CPLX1: variants seen among roughly 807,000 people sequenced by gnomAD.
The protein encoded by CPLX1 is complexin 1.
A neutral mutation model predicts 15.6 loss-of-function variants in CPLX1; 6 were observed. That is an observed-to-expected ratio of 0.39 (90% confidence interval 0.21 to 0.76). The LOEUF is 0.76. Ranked by LOEUF, CPLX1 falls within the 30% of genes least tolerant of loss-of-function variation. The probability of loss-of-function intolerance (pLI) is 0.43; values close to 1 mark genes in which losing one functional copy is unlikely to be tolerated. For synonymous variants in CPLX1, 91 were observed against 75.2 expected (o/e 1.21, Z -1.08); for missense variants, 242 against 188.6 (o/e 1.28, Z -1.66).
At chr4:824,739 C>T (rs1392413699) in intron 1 of CPLX1, 138 bp from the exon 2 acceptor site, 1 of 697,000 alleles carries the variant, frequency 1.4e-6, no homozygotes, top group South Asian at 1.5e-5. Flanking sequence ...GGAAGTCCTT[C>T]GTGAGGGGCT....
At chr4:793,706 C>T (rs1451471650) in intron 2 of CPLX1, among the ~76,000 whole-genome samples, 2 of 152,190 alleles carry the variant, frequency 1.3e-5, no homozygotes, top group South Asian at 4.1e-4. Context: ...ACACGTTGCC[C>T]CTGCAAATGC....
chr4:819,746 C>T (rs971804518), intron 2 of CPLX1, among the ~76,000 whole-genome samples: 6 of 152,214 alleles, frequency 3.9e-5, no homozygotes, highest in Non-Finnish European at 5.9e-5. Context: ...TAAATGGAAA[C>T]CCTCCATGAG....
chr4:795,133 C>G (rs1276261401), intron 2 of CPLX1, among the ~76,000 whole-genome samples: 4 of 152,382 alleles, frequency 2.6e-5, no homozygotes, highest in African/African-American at 4.8e-5. Context: ...CACGCCCCCC[C>G]GCTTTTCGGC....
At chr4:798,656 C>T (rs1233578740) in intron 2 of CPLX1, among the ~76,000 whole-genome samples, 1 of 152,236 alleles carries the variant, frequency 6.6e-6, no homozygotes, top group Admixed American at 6.5e-5. Context: ...CTCAGCCTCC[C>T]GAAGTGCTGG....
intron 2 of CPLX1, among the ~76,000 whole-genome samples, chr4:799,414 C>G (rs1449321278): frequency 6.6e-6 from 1 of 152,236 alleles, no homozygotes; most frequent in Non-Finnish European, 1.5e-5. Flanking sequence ...AGGCGAAGAA[C>G]TCATCCACGT....
chr4:814,910 C>A (rs972678731), intron 2 of CPLX1, among the ~76,000 whole-genome samples: 6 of 152,216 alleles, frequency 3.9e-5, no homozygotes, highest in African/African-American at 1.4e-4. Context: ...CAGGTCTAGC[C>A]CCATTCATTT....
intron 1 of CPLX1, 112 bp from the exon 2 acceptor site, chr4:824,713 C>T (rs1746941935): frequency 1.4e-6 from 1 of 713,906 alleles, no homozygotes. Flanking sequence ...CCTCCCCCAC[C>T]TGGAGCGGCT....
At chr4:796,719 C>G (rs376861870) in intron 2 of CPLX1, among the ~76,000 whole-genome samples, 5 of 152,160 alleles carry the variant, frequency 3.3e-5, no homozygotes, top group Non-Finnish European at 5.9e-5. Flanking sequence ...CAGGGTAACT[C>G]CACACGTAAA....
Position 787,887 on chromosome 4 carries a change from G to A in CPLX1, c.208-1189C>T, listed in dbSNP as rs888472016. The A allele has an allele frequency of 2.1e-5, 21 of 985,302 alleles. No homozygotes were observed. In the African/African-American group the frequency reaches 3.5e-4, roughly 16 times the overall value. 61.0% of individuals were successfully genotyped at this position (985,302 alleles called of 1,614,324 possible). A position where few individuals can be genotyped will look rare whatever the true frequency, so the allele number is the denominator to read the frequency against. ...GGAAGGTGGGAACCAGTGGGGTTGGGCTGGCCTGGAAGGATTGGGGGCCTG... is the reference window on the plus strand; with the variant it reads ...GGAAGGTGGGAACCAGTGGGGTTGGACTGGCCTGGAAGGATTGGGGGCCTG... On this transcript the variant is annotated intron_variant, in intron 3 of 3. Coordinates refer to ENST00000304062, the MANE Select transcript of CPLX1 (RefSeq NM_006651.4).
intron 1 of CPLX1, among the ~76,000 whole-genome samples, chr4:825,810 G>A (rs1746970815): frequency 6.7e-6 from 1 of 149,312 alleles, no homozygotes; most frequent in Admixed American, 6.6e-5. Flanking sequence ...GGGCCGGAGG[G>A]AGAGGCCGGA....
intron 2 of CPLX1, among the ~76,000 whole-genome samples, chr4:795,077 C>T (rs1202934931): frequency 6.6e-6 from 1 of 152,236 alleles, no homozygotes; most frequent in Non-Finnish European, 1.5e-5. Context: ...AGCCACTAGG[C>T]TCAGAGGGAC....
At chr4:822,159 T>G (rs1746878805) in intron 2 of CPLX1, among the ~76,000 whole-genome samples, 1 of 151,284 alleles carries the variant, frequency 6.6e-6, no homozygotes, top group Non-Finnish European at 1.5e-5. Context: ...TGTTTCTGAT[T>G]CTCCGTCTCT....
intron 2 of CPLX1, among the ~76,000 whole-genome samples, chr4:810,145 G>A (rs1250418920): frequency 6.6e-6 from 1 of 151,744 alleles, no homozygotes; most frequent in Non-Finnish European, 1.5e-5. Context: ...CGCCTCCTGG[G>A]CTCACACCAT....
intron 2 of CPLX1, among the ~76,000 whole-genome samples, chr4:811,404 G>A (rs868559513): frequency 1.1e-4 from 17 of 151,474 alleles, no homozygotes; most frequent in African/African-American, 3.6e-4. Context: ...CCTTAGCCTC[G>A]CAAAGTGTTG....
chr4:800,034 G>T (rs73207755), intron 2 of CPLX1, among the ~76,000 whole-genome samples: 5,755 of 152,182 alleles, frequency 0.038, 181 homozygotes, highest in South Asian at 0.096. Context: ...GATGGAGGGG[G>T]CAGCCTTGTG....
chr4:819,328 G>A (rs1746817776), intron 2 of CPLX1, among the ~76,000 whole-genome samples: 1 of 152,198 alleles, frequency 6.6e-6, no homozygotes, highest in South Asian at 2.1e-4. Flanking sequence ...ATCCTCTCTG[G>A]AGGAAAGGAC....
At chr4:803,799 AGCTGGGATTACAGGCGTGT>A (rs1394727927) in intron 2 of CPLX1, among the ~76,000 whole-genome samples, 1 of 152,054 alleles carries the variant, frequency 6.6e-6, no homozygotes, top group African/African-American at 2.4e-5. Flanking sequence ...CCTCTCAAGT[AGCTGGGATTACAGGCGTGT>A]GCCACCACGC....
intron 2 of CPLX1, among the ~76,000 whole-genome samples, chr4:810,292 A>G (rs969247453): frequency 4.0e-5 from 6 of 150,590 alleles, no homozygotes; most frequent in Admixed American, 1.3e-4. Flanking sequence ...CTCGTGATCC[A>G]CCCGCCTCGG....
chr4:801,317 G>A (rs1232320369), intron 2 of CPLX1, among the ~76,000 whole-genome samples: 1 of 151,708 alleles, frequency 6.6e-6, no homozygotes, highest in Non-Finnish European at 1.5e-5. Flanking sequence ...GCGAGACTCT[G>A]TCTCAAAAGA....
Sources: gnomAD v4.1 joint callset for allele counts (sites outside exome capture counted in the v4.1 genomes callset) on GRCh38, gnomAD v4.1.1 for gene constraint, MANE v1.5 for transcripts, NCBI Gene and HGNC (gene_info 2026-07-23, HGNC 2026-07-21) for gene names.